FRMD4A: variants seen among roughly 807,000 people sequenced by gnomAD.
The protein encoded by FRMD4A is FERM domain-containing protein 4A.
Under a neutral mutation model 129.1 loss-of-function variants are expected in FRMD4A, and 29 were observed. The observed-to-expected ratio is 0.22, with a 90% confidence interval of 0.17 to 0.31. The LOEUF is 0.31. Among genes scored for constraint, FRMD4A ranks in the 10% least tolerant of loss-of-function variants. FRMD4A has a pLI of 1.00. For missense variants in FRMD4A, 1,272 were observed against 1,375.8 expected, an observed-to-expected ratio of 0.92 and a Z score of 1.19; for synonymous variants, 634 against 571.6, an observed-to-expected ratio of 1.11 and a Z score of -1.56.
chr10:14,245,395 A>G (rs1844197534), intron 2 of FRMD4A, among the ~76,000 whole-genome samples: 2 of 152,188 alleles, frequency 1.3e-5, no homozygotes, highest in Admixed American at 1.3e-4. Flanking sequence ...AGTTAGTTCA[A>G]ACAAATAAAA....
At chr10:13,900,715 G>A (rs2094809948) in intron 2 of FRMD4A, among the ~76,000 whole-genome samples, 2 of 152,030 alleles carry the variant, frequency 1.3e-5, no homozygotes, top group South Asian at 4.2e-4. Flanking sequence ...TGGCCAACAT[G>A]GTGAAACCCC....
At chr10:13,906,608 G>A (rs1002016397) in intron 2 of FRMD4A, among the ~76,000 whole-genome samples, 60 of 152,262 alleles carry the variant, frequency 3.9e-4, no homozygotes, top group African/African-American at 1.2e-3. Flanking sequence ...ATACAATACC[G>A]TCTTCTCCAC....
chr10:14,064,199 A>G (rs1356702186), intron 2 of FRMD4A, among the ~76,000 whole-genome samples: 1 of 152,238 alleles, frequency 6.6e-6, no homozygotes, highest in East Asian at 1.9e-4. Flanking sequence ...ACTCAGAAGC[A>G]TTCAAAGAGC....
At chr10:14,262,212 T>G (rs1164134399) in intron 2 of FRMD4A, among the ~76,000 whole-genome samples, 5 of 152,174 alleles carry the variant, frequency 3.3e-5, no homozygotes, top group Non-Finnish European at 7.3e-5. Context: ...AATTTCTATA[T>G]GAAAACTGAG....
At chr10:13,919,804 G>A (rs1214807677) in intron 2 of FRMD4A, among the ~76,000 whole-genome samples, 2 of 152,102 alleles carry the variant, frequency 1.3e-5, no homozygotes, top group African/African-American at 4.8e-5. Flanking sequence ...CAGGCGTGGT[G>A]GCATGTGCCT....
chr10:14,132,033 C>A (rs571548006), intron 2 of FRMD4A, among the ~76,000 whole-genome samples: 1 of 152,306 alleles, frequency 6.6e-6, no homozygotes, highest in South Asian at 2.1e-4. Context: ...AGTCTGTAAT[C>A]CCAGCACTTC....
rs568105380 is a variant in FRMD4A at position 13,942,149 on chromosome 10, T to C, written c.46-83237A>G. ...TGGAGGGACCCTATCCTTTCTCATG[T>C]CTGAAAACTGCTCTGCCACAGGGTA... On this transcript the variant is annotated intron_variant, in intron 2 of 24. Coordinates refer to ENST00000357447, the MANE Select transcript of FRMD4A (RefSeq NM_018027.5). Among the ~76,000 whole-genome samples the C allele has an allele frequency of 3.3e-5, 5 of 152,326 alleles. No individual in the cohort carries two copies. In the East Asian group the frequency reaches 9.6e-4, roughly 29 times the overall value.
chr10:13,811,997 C>T (rs2093457454), intron 3 of FRMD4A, among the ~76,000 whole-genome samples: 1 of 151,746 alleles, frequency 6.6e-6, no homozygotes, highest in African/African-American at 2.4e-5. Flanking sequence ...ATTCTCTTGC[C>T]TCAGCCTCCC....
chr10:14,106,382 A>G lies in FRMD4A; in HGVS notation c.45+223676T>C, dbSNP rs547124836. Among the ~76,000 whole-genome samples, 9 of 152,294 alleles carry G rather than the reference A, an allele frequency of 5.9e-5. No homozygotes were observed. The East Asian group carries it at 1.7e-3, about 29-fold the overall frequency. On this transcript the variant is annotated intron_variant, in intron 2 of 24. Transcript: ENST00000357447. ...TTATTTAAGGGGGTTGGTTCTTTTT[A>G]GTGGGAAATAGTATCTAGATCCATC...
intron 2 of FRMD4A, among the ~76,000 whole-genome samples, chr10:14,018,312 C>T (rs1404439842): frequency 4.0e-5 from 6 of 151,352 alleles, no homozygotes; most frequent in Admixed American, 2.6e-4. Context: ...AAAAATTAGC[C>T]GGGCATGGTG....
At chr10:13,952,124 TG>T (rs1179366258) in intron 2 of FRMD4A, among the ~76,000 whole-genome samples, 16 of 137,510 alleles carry the variant, frequency 1.2e-4, no homozygotes, top group African/African-American at 3.9e-4. Context: ...CCATGATGTA[TG>T]TTTTTTTTTC....
At chr10:13,655,313 T>C (rs7076550) in intron 22 of FRMD4A, 85,649 of 152,044 alleles carry the variant, frequency 0.56, 25,802 homozygotes, top group African/African-American at 0.78. Context: ...GCTGCAGTTT[T>C]GATAGAACAT....
intron 2 of FRMD4A, among the ~76,000 whole-genome samples, chr10:14,212,012 C>T (rs948875025): frequency 1.3e-5 from 2 of 152,098 alleles, no homozygotes; most frequent in Non-Finnish European, 2.9e-5. Flanking sequence ...TGAGATGATG[C>T]CTGGGGTACA....
At chr10:14,292,098 T>C (rs2026754) in intron 2 of FRMD4A, among the ~76,000 whole-genome samples, 48,784 of 152,032 alleles carry the variant, frequency 0.32, 8,154 homozygotes, top group Middle Eastern at 0.37. Flanking sequence ...AGATTTGAAG[T>C]GTTAATTTCC....
intron 5 of FRMD4A, among the ~76,000 whole-genome samples, chr10:13,791,783 G>T (rs75468814): frequency 0.014 from 2,139 of 152,308 alleles, 19 homozygotes; most frequent in Non-Finnish European, 0.024. Flanking sequence ...TGCTACAGCT[G>T]GGATGATGGT....
At chr10:14,258,337 C>T (rs1397793855) in intron 2 of FRMD4A, among the ~76,000 whole-genome samples, 1 of 145,664 alleles carries the variant, frequency 6.9e-6, no homozygotes, top group Non-Finnish European at 1.5e-5. Context: ...AAAAAAAGAA[C>T]TCTCAAAATT....
At chr10:14,039,123 T>C (rs974801284) in intron 2 of FRMD4A, among the ~76,000 whole-genome samples, 7 of 152,218 alleles carry the variant, frequency 4.6e-5, no homozygotes, top group African/African-American at 1.7e-4. Flanking sequence ...ATTTTTGTCA[T>C]GTACTGCAAG....
intron 12 of FRMD4A, among the ~76,000 whole-genome samples, chr10:13,715,968 C>T (rs1163278407): frequency 6.6e-6 from 1 of 150,526 alleles, no homozygotes; most frequent in Middle Eastern, 3.5e-3. Context: ...AATTACATAC[C>T]AATATTATTG....
chr10:14,182,402 C>G (rs552350850), intron 2 of FRMD4A, among the ~76,000 whole-genome samples: 3 of 152,206 alleles, frequency 2.0e-5, no homozygotes, highest in African/African-American at 7.2e-5. Context: ...ATAATAATAG[C>G]CAGGCAAGGT....
Sources: allele counts gnomAD v4.1 joint callset (sites outside exome capture counted in the v4.1 genomes callset), GRCh38; gene constraint gnomAD v4.1.1; transcripts MANE v1.5; gene names NCBI Gene and HGNC (gene_info 2026-07-23, HGNC 2026-07-21).